The following POLA1 variants were observed in gnomAD, a reference collection of about 807,000 sequenced individuals.
POLA1 encodes the protein DNA polymerase alpha catalytic subunit.
In POLA1, 15 loss-of-function variants were observed where a neutral mutation model predicts 124.0. That is an observed-to-expected ratio of 0.12 (90% CI 0.08 to 0.19). The LOEUF (loss-of-function observed/expected upper bound fraction) is 0.19, where lower values mean the gene tolerates loss of function less well. POLA1 is among the 10% of genes least tolerant of loss of function. The pLI, the probability that POLA1 is intolerant of heterozygous loss-of-function variation, is 1.00. For missense variants in POLA1, 886 were observed against 1,103.4 expected (o/e 0.80, Z 2.79); for synonymous variants, 408 against 389.4 (o/e 1.05, Z -0.56).
At chrX:24,900,516 A>G (rs2047264023) in intron 35 of POLA1, among the ~76,000 whole-genome samples, 1 of 112,090 alleles carries the variant, frequency 8.9e-6, no homozygotes. Context: ...TATAATCACA[A>G]ACACTGAAAT....
intron 36 of POLA1, among the ~76,000 whole-genome samples, chrX:24,954,746 G>A (rs754248333): frequency 1.8e-5 from 2 of 112,285 alleles, no homozygotes; most frequent in Non-Finnish European, 3.8e-5. Context: ...TCACTGGTCA[G>A]TGGACCACAG....
intron 26 of POLA1, among the ~76,000 whole-genome samples, chrX:24,797,199 C>A (rs2045622545): frequency 9.0e-6 from 1 of 111,382 alleles, no homozygotes; most frequent in Non-Finnish European, 1.9e-5. Context: ...CAAGGCCCTT[C>A]ACATTTGGGC....
chrX:24,883,859 A>G (rs182630261), intron 34 of POLA1, among the ~76,000 whole-genome samples: 7 of 111,638 alleles, frequency 6.3e-5, no homozygotes, highest in African/African-American at 1.6e-4. Context: ...AAATCTTTTT[A>G]TAGGTTGAGT....
At chrX:24,945,915 A>C (rs1371353560) in intron 36 of POLA1, among the ~76,000 whole-genome samples, 1 of 111,803 alleles carries the variant, frequency 8.9e-6, no homozygotes, top group Non-Finnish European at 1.9e-5. Context: ...CATCAAAGAT[A>C]AAGTGAAGAA....
chrX:24,783,926 T>C (rs897619408), intron 26 of POLA1, among the ~76,000 whole-genome samples: 3 of 111,755 alleles, frequency 2.7e-5, no homozygotes, highest in Non-Finnish European at 5.6e-5. Context: ...AGTACAGATA[T>C]AGAACATTTC....
chrX:24,923,853 G>T (rs1161829998), intron 35 of POLA1, among the ~76,000 whole-genome samples: 4 of 111,407 alleles, frequency 3.6e-5, no homozygotes, highest in African/African-American at 1.3e-4. Flanking sequence ...AGTTAACATA[G>T]ATATTGCAAA....
chrX:24,958,671 T>C (rs759040169), intron 36 of POLA1, among the ~76,000 whole-genome samples: 10 of 112,239 alleles, frequency 8.9e-5, no homozygotes, highest in Non-Finnish European at 1.9e-4. Flanking sequence ...CTCTCCCCTG[T>C]AGTAACACAC....
chrX:24,741,459 T>A lies in POLA1; in HGVS notation c.2301T>A (p.Val767=). The change falls in exon 21 of 37, where the codon GTT becomes GTA. Residue 767 remains valine (V), a synonymous_variant. Transcript: ENST00000379068. ...TGCAGATCATGTGTGAGCTAAATGTTCTTCCATTAGCATTGCAGATCACTA... is the reference window on the plus strand; with the variant it reads ...TGCAGATCATGTGTGAGCTAAATGTACTTCCATTAGCATTGCAGATCACTA... ...FILQIMCELN[V]LPLALQITNI... is the part of the protein sequence containing the mutation. 8.3e-7 allele frequency: 1 copy of A among 1,202,117 alleles called. No individual in the cohort carries two copies. Among genetic ancestry groups the A allele is most frequent in the Non-Finnish European group, 1.1e-6 (1 of 886,717 alleles).
At chrX:24,836,591 A>G (rs947196044) in intron 32 of POLA1, among the ~76,000 whole-genome samples, 1 of 111,918 alleles carries the variant, frequency 8.9e-6, no homozygotes, top group Non-Finnish European at 1.9e-5. Flanking sequence ...TTTGATGACT[A>G]ATGAAGTTGA....
intron 36 of POLA1, among the ~76,000 whole-genome samples, chrX:24,975,335 G>C (rs773928028): frequency 3.6e-5 from 4 of 112,312 alleles, no homozygotes; most frequent in Non-Finnish European, 5.6e-5. Flanking sequence ...TCATAGAAAG[G>C]CAGCTATGCT....
intron 2 of POLA1, among the ~76,000 whole-genome samples, chrX:24,702,196 G>C (rs746707015): frequency 1.8e-5 from 2 of 110,140 alleles, no homozygotes; most frequent in Admixed American, 1.9e-4. Flanking sequence ...AGCCTCCTGA[G>C]TAGCTGGGAC....
chrX:24,917,846 A>ATAGT lies in POLA1; in HGVS notation c.4165-12604_4165-12601dup, dbSNP rs745822156. On this transcript the variant is annotated intron_variant, in intron 35 of 36. Coordinates refer to ENST00000379068, the MANE Select transcript of POLA1 (RefSeq NM_001330360.2). ...TTAAGTCTTAATGAAATAGGAGGAT[A>ATAGT]TAGTTAATGTGAATTGAGGGCTTAC... Among the ~76,000 whole-genome samples the ATAGT allele has an allele frequency of 1.8e-3, 200 of 112,037 alleles. 1 individual carries two copies. Among genetic ancestry groups the ATAGT allele is most frequent in the African/African-American group, 6.2e-3 (191 of 30,904 alleles).
chrX:24,749,468 T>C (rs902906850), intron 26 of POLA1, among the ~76,000 whole-genome samples: 9 of 112,098 alleles, frequency 8.0e-5, no homozygotes, highest in Admixed American at 4.7e-4. Flanking sequence ...AATGTTTGGA[T>C]GGCTGGTTTA....
At chrX:24,732,707 T>C (rs1247295768) in intron 16 of POLA1, among the ~76,000 whole-genome samples, 1 of 108,158 alleles carries the variant, frequency 9.2e-6, no homozygotes, top group Non-Finnish European at 1.9e-5. Flanking sequence ...ATTTGACATC[T>C]TTTTTTTGTT....
In POLA1 at chrX:24,995,902, C is replaced by T. The variant is rs761026415; in HGVS notation, c.4359C>T (p.Ser1453=). Residue 1453 remains serine (S), a synonymous_variant, in exon 37 of 37, where the codon TCC becomes TCT. Coordinates refer to ENST00000379068, the MANE Select transcript of POLA1 (RefSeq NM_001330360.2). Reference sequence around the variant, plus strand: ...AATTCTTGTCCCGAAGTGGCTACTCCGAAGTGAATCTGAGCAAACTCTTCG... The same window carrying T: ...AATTCTTGTCCCGAAGTGGCTACTCTGAAGTGAATCTGAGCAAACTCTTCG... ...AEQFLSRSGY[S]EVNLSKLFAG... The T allele has an allele frequency of 1.4e-4, 169 of 1,208,468 alleles. 1 individual carries two copies. The highest frequency in any genetic ancestry group is 1.1e-3 in the Middle Eastern group (5 of 4,350).
At chrX:24,904,885 G>A (rs1316225099) in intron 35 of POLA1, among the ~76,000 whole-genome samples, 2 of 110,956 alleles carry the variant, frequency 1.8e-5, no homozygotes, top group Non-Finnish European at 3.8e-5. Context: ...GTTAGCCGGC[G>A]TGGTGGCACA....
intron 30 of POLA1, among the ~76,000 whole-genome samples, chrX:24,819,828 C>G (rs2148508813): frequency 9.0e-6 from 1 of 110,770 alleles, no homozygotes; most frequent in South Asian, 3.9e-4. Context: ...CCCGGCAGAC[C>G]CCAGTGTGTG....
At chrX:24,821,029 G>A (rs1473472464) in intron 30 of POLA1, among the ~76,000 whole-genome samples, 1 of 111,667 alleles carries the variant, frequency 9.0e-6, no homozygotes, top group Non-Finnish European at 1.9e-5. Context: ...GATTTCTAGT[G>A]CCTTTGGGAT....
At chrX:24,943,237 G>A (rs191367412) in intron 36 of POLA1, among the ~76,000 whole-genome samples, 1 of 112,580 alleles carries the variant, frequency 8.9e-6, no homozygotes, top group East Asian at 2.8e-4. Flanking sequence ...TAAAGAAAAG[G>A]AGTGTGGTAA....
Sources: allele counts gnomAD v4.1 joint callset (sites outside exome capture counted in the v4.1 genomes callset), GRCh38; gene constraint gnomAD v4.1.1; transcripts MANE v1.5; gene names NCBI Gene and HGNC (gene_info 2026-07-23, HGNC 2026-07-21).